RALGAPA2: variants seen among roughly 807,000 people sequenced by gnomAD.
RALGAPA2 encodes ral GTPase-activating protein subunit alpha-2.
In RALGAPA2, 139 loss-of-function variants were observed where a neutral mutation model predicts 230.4. The observed-to-expected ratio is 0.60, with a 90% CI of 0.53 to 0.69. The LOEUF (loss-of-function observed/expected upper bound fraction) is 0.69, where lower values mean the gene tolerates loss of function less well. RALGAPA2 is among the 30% of genes least tolerant of loss of function. The pLI is 0.00. For synonymous variants in RALGAPA2, 847 were observed against 837.8 expected (o/e 1.01, Z -0.19); for missense variants, 2,163 against 2,276.0 (o/e 0.95, Z 1.01).
intron 31 of RALGAPA2, 106 bp downstream of exon 31, chr20:20,520,811 A>T: frequency 2.0e-6 from 2 of 996,878 alleles, no homozygotes; most frequent in Non-Finnish European, 2.8e-6. Context: ...AGGAACTAGG[A>T]TTTCAACTTC....
intron 7 of RALGAPA2, among the ~76,000 whole-genome samples, chr20:20,637,966 A>G (rs993693384): frequency 1.8e-4 from 27 of 152,252 alleles, no homozygotes; most frequent in African/African-American, 6.3e-4. Flanking sequence ...ACCAATATCA[A>G]AAGGCAAAAG....
At chr20:20,643,209 G>T (rs1423021138) in intron 5 of RALGAPA2, among the ~76,000 whole-genome samples, 1 of 152,118 alleles carries the variant, frequency 6.6e-6, no homozygotes, top group Admixed American at 6.5e-5. Context: ...TGATAAAACT[G>T]GAGCAGTCAG....
chr20:20,662,044 G>T (rs1713970574), intron 3 of RALGAPA2, among the ~76,000 whole-genome samples: 1 of 152,124 alleles, frequency 6.6e-6, no homozygotes, highest in Non-Finnish European at 1.5e-5. Flanking sequence ...CTATCTTTGA[G>T]AAATAAAATA....
intron 16 of RALGAPA2, among the ~76,000 whole-genome samples, chr20:20,595,010 C>A (rs187649711): frequency 1.3e-5 from 2 of 152,136 alleles, no homozygotes; most frequent in South Asian, 2.1e-4. Flanking sequence ...TGAGCCACTG[C>A]GCCCGGCCTA....
intron 36 of RALGAPA2, among the ~76,000 whole-genome samples, chr20:20,483,604 T>C (rs981185027): frequency 4.6e-5 from 7 of 152,282 alleles, no homozygotes; most frequent in African/African-American, 1.7e-4. Context: ...GCAGGTCTTC[T>C]CTTGGTGATC....
chr20:20,460,228 T>C (rs2061269917), intron 37 of RALGAPA2, among the ~76,000 whole-genome samples: 1 of 152,236 alleles, frequency 6.6e-6, no homozygotes, highest in African/African-American at 2.4e-5. Context: ...TCATTCATTC[T>C]TCAGTCTCAT....
In RALGAPA2 at chr20:20,503,420, T is replaced by C; in HGVS notation, c.5139A>G (p.Ser1713=). ...TGQTAPYYAT[S]TVEVIFHVST... ...AAACATGGAAAATCACTTCCACAGT[T>C]GAGGTAGCATAGTAAGGGGCCGTCT... is the stretch of plus-strand genomic sequence containing the variant. The change falls in exon 35 of 40, where the codon TCA becomes TCG. Residue 1713 remains serine (S), a synonymous_variant. Coordinates refer to ENST00000202677, the MANE Select transcript of RALGAPA2 (RefSeq NM_020343.4). The C allele has an allele frequency of 6.2e-7, 1 of 1,607,450 alleles. No homozygotes were observed. The highest frequency in any genetic ancestry group is 2.3e-5 in the East Asian group (1 of 44,300).
intron 37 of RALGAPA2, among the ~76,000 whole-genome samples, chr20:20,469,202 A>T (rs1395791296): frequency 6.6e-6 from 1 of 152,232 alleles, no homozygotes; most frequent in African/African-American, 2.4e-5. Flanking sequence ...AAAATAGAAC[A>T]CATGGTACCA....
At chr20:20,560,743 G>A (rs2064233512) in intron 23 of RALGAPA2, among the ~76,000 whole-genome samples, 1 of 152,128 alleles carries the variant, frequency 6.6e-6, no homozygotes. Flanking sequence ...AATGTCTCTA[G>A]AAGCTATTCC....
At chr20:20,525,204 T>TA (rs546311538) in intron 28 of RALGAPA2, among the ~76,000 whole-genome samples, 121 of 152,238 alleles carry the variant, frequency 7.9e-4, no homozygotes, top group African/African-American at 2.5e-3. Flanking sequence ...CATAGTGAAG[T>TA]AAAAAAATAC....
At chr20:20,451,681 A>G (rs898979605) in intron 37 of RALGAPA2, among the ~76,000 whole-genome samples, 13 of 152,384 alleles carry the variant, frequency 8.5e-5, no homozygotes, top group Admixed American at 8.5e-4. Context: ...TTATTTTAGT[A>G]CTTAAGGTCT....
intron 13 of RALGAPA2, among the ~76,000 whole-genome samples, chr20:20,612,742 A>C (rs994212025): frequency 5.3e-5 from 8 of 152,198 alleles, no homozygotes; most frequent in African/African-American, 1.9e-4. Context: ...TTTGAAGAGA[A>C]CTGGGAGAAG....
At chr20:20,541,975 G>C (rs2063654741) in intron 24 of RALGAPA2, among the ~76,000 whole-genome samples, 1 of 152,176 alleles carries the variant, frequency 6.6e-6, no homozygotes, top group African/African-American at 2.4e-5. Flanking sequence ...CAAATTATCT[G>C]TTTGCAGATG....
intron 36 of RALGAPA2, among the ~76,000 whole-genome samples, chr20:20,488,115 C>T (rs900145211): frequency 1.3e-5 from 2 of 152,216 alleles, no homozygotes; most frequent in Non-Finnish European, 2.9e-5. Flanking sequence ...ACATGGGTTT[C>T]GTCTCCCACA....
intron 3 of RALGAPA2, among the ~76,000 whole-genome samples, chr20:20,666,689 G>A (rs2067966362): frequency 2.0e-5 from 3 of 152,150 alleles, no homozygotes; most frequent in South Asian, 4.1e-4. Flanking sequence ...CTGCCACCTT[G>A]CTATGTATTA....
chr20:20,523,684 C>T (rs746952295), intron 30 of RALGAPA2, among the ~76,000 whole-genome samples: 1 of 152,000 alleles, frequency 6.6e-6, no homozygotes, highest in Non-Finnish European at 1.5e-5. Context: ...TCAAATGTAC[C>T]CTGAAAATAT....
At chr20:20,607,572 G>A (rs936621596) in intron 14 of RALGAPA2, among the ~76,000 whole-genome samples, 3 of 151,976 alleles carry the variant, frequency 2.0e-5, no homozygotes, top group African/African-American at 7.2e-5. Context: ...TTGCCATAAC[G>A]TACCTATAGA....
chr20:20,431,629 T>C (rs2060503862), intron 37 of RALGAPA2, among the ~76,000 whole-genome samples: 1 of 152,142 alleles, frequency 6.6e-6, no homozygotes, highest in South Asian at 2.1e-4. Context: ...TGCAAAAAAA[T>C]TAAGCATGGT....
Position 20,512,721 on chromosome 20 carries a change from A to G in RALGAPA2, c.4648T>C (p.Cys1550Arg). Residue 1550 changes from cysteine (C) to arginine (R), a missense_variant, in exon 32 of 40, where the codon TGT becomes CGT. Transcript: ENST00000202677. ...TTCTCTTGGTCATAGTTCATGCCAC[A>G]TGGGGTTAGGGAAGGTTCATTTAGA... is the stretch of plus-strand genomic sequence containing the variant. Reference protein sequence around the residue: ...LNLNEPSLTPCGMNYDQEKEI... With the variant: ...LNLNEPSLTPRGMNYDQEKEI... The G allele has an allele frequency of 1.9e-6, 3 of 1,613,876 alleles. No individual in the cohort carries two copies. The highest frequency in any genetic ancestry group is 2.5e-6 in the Non-Finnish European group (3 of 1,179,810).
Sources: gnomAD v4.1 joint callset for allele counts (sites outside exome capture counted in the v4.1 genomes callset) on GRCh38, gnomAD v4.1.1 for gene constraint, MANE v1.5 for transcripts, NCBI Gene and HGNC (gene_info 2026-07-23, HGNC 2026-07-21) for gene names.